The following SLX4 variants were observed in gnomAD, a reference collection of about 807,000 sequenced individuals.
The protein encoded by SLX4 is structure-specific endonuclease subunit SLX4.
Under a neutral mutation model 146.2 loss-of-function variants are expected in SLX4, and 112 were observed. The observed-to-expected ratio is 0.77, with a 90% CI of 0.66 to 0.90. The LOEUF (loss-of-function observed/expected upper bound fraction) is 0.90, where lower values mean the gene tolerates loss of function less well. SLX4 is among the 40% of genes least tolerant of loss of function. The pLI is 0.00. For missense variants in SLX4, 2,563 were observed against 2,392.7 expected (o/e 1.07, Z -1.49); for synonymous variants, 1,061 against 997.7 (o/e 1.06, Z -1.20).
intron 12 of SLX4, among the ~76,000 whole-genome samples, chr16:3,587,585 C>T (rs2040522390): frequency 6.6e-6 from 1 of 152,242 alleles, no homozygotes; most frequent in Non-Finnish European, 1.5e-5. Flanking sequence ...CACGATTCTT[C>T]CTGTGGCCGC....
At chr16:3,584,378 G>A (rs894363936) in intron 13 of SLX4, among the ~76,000 whole-genome samples, 6 of 151,644 alleles carry the variant, frequency 4.0e-5, no homozygotes, top group African/African-American at 9.7e-5. Flanking sequence ...CCGGGACTGC[G>A]CCACTGCACT....
In SLX4 at chr16:3,596,269, G is replaced by C. The variant is rs780697002; in HGVS notation, c.1808C>G (p.Ser603Trp). The change falls in exon 8 of 15, where the codon TCG (serine) becomes TGG (tryptophan). Residue 603 changes from serine (S) to tryptophan (W), a missense_variant. Coordinates refer to ENST00000294008, the MANE Select transcript of SLX4 (RefSeq NM_032444.4). ...AGCGSRGPSPSASQREHQALQ... is the reference protein window; with the variant it reads ...AGCGSRGPSPWASQREHQALQ... ...GGCCTGGTGCTCCCTCTGGCTGGCC[G>C]AAGGCGACGGGCCCCTGGAGCCACA... The C allele has an allele frequency of 5.1e-6, 8 of 1,563,854 alleles. No individual in the cohort carries two copies. The African/African-American group carries it at 5.4e-5, about 11-fold the overall frequency.
At position 3,597,311 on chromosome 16, in the gene SLX4, G is replaced by A; in HGVS notation, c.1683+68C>T. 3.5e-6 allele frequency: 5 copies of A among 1,446,568 alleles called. No individual in the cohort carries two copies. The highest frequency in any genetic ancestry group is 4.6e-6 in the Non-Finnish European group (5 of 1,089,378). 89.6% of individuals were successfully genotyped at this position (1,446,568 alleles called of 1,614,324 possible). A position where few individuals can be genotyped will look rare whatever the true frequency, so the allele number is the denominator to read the frequency against. ...TCCATCACCTGGCTGTGGGTACCCA[G>A]TGTTGCAGTTCTGGGATTGCCAACC... On this transcript the variant is annotated intron_variant, in intron 7 of 14. Transcript: ENST00000294008. This position sits in a 1 kb window ranked among gnomAD's most constrained non-coding sequence, Gnocchi z 4.4.
Position 3,597,253 on chromosome 16 carries a change from C to T in SLX4, c.1683+126G>A. 1.8e-6 allele frequency: 2 copies of T among 1,127,788 alleles called. No homozygotes were observed. Among genetic ancestry groups the T allele is most frequent in the East Asian group, 2.6e-5 (1 of 38,612 alleles). 69.9% of individuals were successfully genotyped at this position (1,127,788 alleles called of 1,614,324 possible). A position where few individuals can be genotyped will look rare whatever the true frequency, so the allele number is the denominator to read the frequency against. ...TGCAGCCACCAAGTGCCCCTCTGGC[C>T]TCCTCCCGCCTCTGCCTTTCCTTCC... On this transcript the variant is annotated intron_variant, in intron 7 of 14. Coordinates refer to ENST00000294008, the MANE Select transcript of SLX4 (RefSeq NM_032444.4). The surrounding 1 kb of genome is among the most constrained non-coding windows in gnomAD (Gnocchi z 4.4).
At position 3,590,945 on chromosome 16, in the gene SLX4, T is replaced by G; in HGVS notation, c.2693A>C (p.Lys898Thr). ...GQLLAGVQVQ[K>T]QWDKVEEMEP... ...CATCTCCTCCACCTTGTCCCACTGT[T>G]TCTGCACCTGGACACCTGCTAGGAG... The change falls in exon 12 of 15, where the codon AAA (lysine) becomes ACA (threonine). Residue 898 changes from lysine to threonine, a missense_variant. Physicochemically the swap from Lys to Thr is moderately conservative, Grantham distance 78 (BLOSUM62 -1). Transcript: ENST00000294008. The surrounding 1 kb of genome is among the most constrained non-coding windows in gnomAD (Gnocchi z 4.8). 6.2e-7 allele frequency: 1 copy of G among 1,614,164 alleles called. No individual in the cohort carries two copies. Among genetic ancestry groups the G allele is most frequent in the South Asian group, 1.1e-5 (1 of 91,084 alleles).
Position 3,582,335 on chromosome 16 carries a change from G to A in SLX4, c.*7C>T. The A allele has an allele frequency of 1.2e-6, 2 of 1,608,720 alleles. No homozygotes were observed. Among genetic ancestry groups the A allele is most frequent in the South Asian group, 1.1e-5 (1 of 90,954 alleles). On this transcript the variant is annotated 3_prime_UTR_variant, in exon 15 of 15. Coordinates refer to ENST00000294008, the MANE Select transcript of SLX4 (RefSeq NM_032444.4). The stretch of plus-strand genomic sequence containing the variant: ...TGGCAGGTTGGGGTGGGGTCGGGAT[G>A]GCCCCATCAGTTCCGCTCCACCTTC...
Position 3,609,368 on chromosome 16 carries a change from A to C in SLX4, c.-404T>G, listed in dbSNP as rs919771519. On this transcript the variant is annotated 5_prime_UTR_variant, in exon 2 of 15. Coordinates refer to ENST00000294008, the MANE Select transcript of SLX4 (RefSeq NM_032444.4). ...GATTGCAGTGAGCCGAGATCGTGCC[A>C]CTGCACTCTAACCTGGGCAACAAGA... 4.8e-6 allele frequency: 1 copy of C among 207,978 alleles called. No individual in the cohort carries two copies. The highest frequency in any genetic ancestry group is 2.3e-5 in the African/African-American group (1 of 43,132). 12.9% of individuals were successfully genotyped at this position (207,978 alleles called of 1,614,324 possible).
intron 7 of SLX4, among the ~76,000 whole-genome samples, chr16:3,596,963 C>G (rs560050789): frequency 8.5e-4 from 129 of 152,222 alleles, no homozygotes; most frequent in Non-Finnish European, 1.7e-3. Flanking sequence ...ACTGGGATTA[C>G]AGGTGTGTGC....
At position 3,597,409 on chromosome 16, in the gene SLX4, G is replaced by A. The variant is rs1356172966; in HGVS notation, c.1653C>T (p.Val551=). Residue 551 remains valine, a synonymous_variant, in exon 7 of 15, where the codon GTC becomes GTT. Transcript: ENST00000294008. The surrounding 1 kb of genome is among the most constrained non-coding windows in gnomAD (Gnocchi z 4.4). ...CAGGCCGCTGGGGCACGAGAGGAGGGACCAGCCTGGCCGTGTAGAAGTCCT... is the reference window on the plus strand; with the variant it reads ...CAGGCCGCTGGGGCACGAGAGGAGGAACCAGCCTGGCCGTGTAGAAGTCCT... ...AMEDFYTARL[V]PPLVPQRPAQ... is the part of the protein sequence containing the mutation. 1.9e-6 allele frequency: 3 copies of A among 1,597,756 alleles called. No individual in the cohort carries two copies. The highest frequency in any genetic ancestry group is 2.6e-6 in the Non-Finnish European group (3 of 1,171,780).
intron 1 of SLX4, among the ~76,000 whole-genome samples, chr16:3,610,836 G>C (rs955764791): frequency 5.9e-5 from 9 of 152,218 alleles, no homozygotes; most frequent in African/African-American, 2.2e-4. Flanking sequence ...AATGGGAGTA[G>C]AGAGAAAGGT....
chr16:3,595,125 C>T (rs561668635), intron 9 of SLX4, among the ~76,000 whole-genome samples: 3 of 152,318 alleles, frequency 2.0e-5, no homozygotes, highest in South Asian at 4.1e-4. Flanking sequence ...GTTCCCACCC[C>T]GGTTCTTCCC....
chr16:3,598,459 C>A (rs972896559), intron 5 of SLX4, among the ~76,000 whole-genome samples: 2 of 152,200 alleles, frequency 1.3e-5, no homozygotes, highest in Non-Finnish European at 2.9e-5. Flanking sequence ...CTGTCCATGG[C>A]CAGAAGGAAG....
chr16:3,585,960 G>A (rs1326691433), intron 12 of SLX4, among the ~76,000 whole-genome samples: 4 of 147,412 alleles, frequency 2.7e-5, no homozygotes, highest in Non-Finnish European at 6.0e-5. Context: ...CCATGAACAC[G>A]CCACTGCACT....
intron 5 of SLX4, among the ~76,000 whole-genome samples, chr16:3,598,578 T>C (rs977061565): frequency 5.9e-5 from 9 of 152,206 alleles, no homozygotes; most frequent in African/African-American, 2.2e-4. Context: ...AACAGGAGTT[T>C]CCGGCTGGAG....
intron 1 of SLX4, 30 bp downstream of exon 1, chr16:3,611,530 C>G (rs557926697): frequency 6.6e-6 from 1 of 152,670 alleles, no homozygotes; most frequent in African/African-American, 2.4e-5. Context: ...CGGGTGCCGA[C>G]TCCCAGCCCC....
intron 7 of SLX4, among the ~76,000 whole-genome samples, chr16:3,596,925 C>A (rs758271508): frequency 6.6e-6 from 1 of 151,744 alleles, no homozygotes; most frequent in Admixed American, 6.6e-5. Context: ...CCGGTTCAAG[C>A]GATTCTTCTG....
chr16:3,604,657 C>A (rs1169538898), intron 3 of SLX4, among the ~76,000 whole-genome samples: 1 of 151,832 alleles, frequency 6.6e-6, no homozygotes, highest in Admixed American at 6.6e-5. Flanking sequence ...CCCAACTCTA[C>A]TAAAAATACA....
At chr16:3,595,280 C>T (rs1008611707) in intron 9 of SLX4, among the ~76,000 whole-genome samples, 4 of 152,198 alleles carry the variant, frequency 2.6e-5, no homozygotes, top group African/African-American at 4.8e-5. Flanking sequence ...ATGGGGCAAC[C>T]GCGCTGAGAA....
At position 3,590,791 on chromosome 16, in the gene SLX4, T is replaced by C; in HGVS notation, c.2847A>G (p.Pro949=). 6.2e-7 allele frequency: 1 copy of C among 1,614,038 alleles called. No homozygotes were observed. Among genetic ancestry groups the C allele is most frequent in the Non-Finnish European group, 8.5e-7 (1 of 1,180,006 alleles). Residue 949 remains proline (P), a synonymous_variant, in exon 12 of 15, where the codon CCA becomes CCG. Transcript: ENST00000294008. The surrounding 1 kb of genome is among the most constrained non-coding windows in gnomAD (Gnocchi z 4.8). ...AGCTGGAATGGCCAAGCGCCTCCTC[T>C]GGCGCCTCCTGCTCAGGGGCCTCTG... The part of the protein sequence containing the change: ...RGAEAPEQEA[P]EEALGHSSCS...
Sources: allele counts gnomAD v4.1 joint callset (sites outside exome capture counted in the v4.1 genomes callset), GRCh38; gene constraint gnomAD v4.1.1; non-coding constraint Gnocchi (gnomAD v3.1); transcripts MANE v1.5; gene names NCBI Gene and HGNC (gene_info 2026-07-23, HGNC 2026-07-21).